The following GLIPR1 variants were observed in gnomAD, a reference collection of about 807,000 sequenced individuals.
GLIPR1 encodes the protein glioma pathogenesis-related protein 1.
GLIPR1 carries 38 observed loss-of-function variants against 30.3 expected under a neutral mutation model. The observed-to-expected ratio is 1.26, with a 90% CI of 0.97 to 1.65. GLIPR1 has a LOEUF of 1.65. Among genes scored for constraint, GLIPR1 ranks in the 40% most tolerant of loss-of-function variants. The probability of loss-of-function intolerance (pLI) is 0.00; values close to 1 mark genes in which losing one functional copy is unlikely to be tolerated. For synonymous variants in GLIPR1, 122 were observed against 110.6 expected, an observed-to-expected ratio of 1.10 and a Z score of -0.65; for missense variants, 285 against 326.5, an observed-to-expected ratio of 0.87 and a Z score of 0.98.
At chr12:75,486,995 G>T (rs1442023121) in intron 2 of GLIPR1, among the ~76,000 whole-genome samples, 1 of 152,006 alleles carries the variant, frequency 6.6e-6, no homozygotes, top group Admixed American at 6.6e-5. Flanking sequence ...TAAAAAAAGA[G>T]GCCAACTAAA....
chr12:75,498,697 ACC>A lies in GLIPR1; in HGVS notation c.624_625del (p.Asn208LysfsTer23). ...TTTCTTCCCCCTAACTTTACAGTTA[ACC>A]GACAGCGAGACCAAGTCAAACGTAC... On this transcript the variant is annotated frameshift_variant, in exon 5 of 6. Transcript: ENST00000266659. LOFTEE classifies it low-confidence loss of function (END_TRUNC). 1.2e-6 allele frequency: 2 copies of A among 1,612,618 alleles called. No individual in the cohort carries two copies. Among genetic ancestry groups the A allele is most frequent in the Non-Finnish European group, 1.7e-6 (2 of 1,178,764 alleles).
Position 75,499,903 on chromosome 12 carries a change from T to G in GLIPR1, c.*925T>G. On this transcript the variant is annotated 3_prime_UTR_variant, in exon 6 of 6. Transcript: ENST00000266659. ...TCCCAGTTTCTTATTCTTTGCTTTC[T>G]TAACCTTTTCCTTGATGCTGGCCAC... 6.2e-7 allele frequency: 1 copy of G among 1,610,200 alleles called. No homozygotes were observed. The highest frequency in any genetic ancestry group is 1.1e-5 in the South Asian group (1 of 90,580).
At chr12:75,492,293 G>T (rs915055263) in intron 3 of GLIPR1, 2 of 152,246 alleles carry the variant, frequency 1.3e-5, no homozygotes, top group Admixed American at 1.3e-4. Context: ...TATTGCCCAG[G>T]CTCATCTCCA....
At chr12:75,490,228 CACACA>C (rs1247932004) in intron 2 of GLIPR1, among the ~76,000 whole-genome samples, 173 bp from the exon 3 acceptor site, 28 of 149,440 alleles carry the variant, frequency 1.9e-4, no homozygotes, top group Non-Finnish European at 4.2e-4. Flanking sequence ...CACACACACA[CACACA>C]CCCCAATAAT....
In GLIPR1 at chr12:75,481,964, C is replaced by A. The variant is rs1483984147; in HGVS notation, c.305C>A (p.Thr102Asn). Reference sequence around the variant, plus strand: ...ACTTCACTGGGAGAGAACATCTGGACTGGGTCTGTGCCCATTTTTTCTGTG... The same window carrying A: ...ACTTCACTGGGAGAGAACATCTGGAATGGGTCTGTGCCCATTTTTTCTGTG... ...NFTSLGENIW[T>N]GSVPIFSVSS... The change falls in exon 2 of 6, where the codon ACT (threonine) becomes AAT (asparagine). Residue 102 changes from threonine to asparagine, a missense_variant. Physicochemically the swap from Thr to Asn is moderately conservative, Grantham distance 65. Transcript: ENST00000266659. 2.5e-6 allele frequency: 4 copies of A among 1,614,082 alleles called. No individual in the cohort carries two copies. The highest frequency in any genetic ancestry group is 3.4e-6 in the Non-Finnish European group (4 of 1,180,024).
Position 75,490,405 on chromosome 12 carries a change from G to C in GLIPR1, c.421-1G>C. The C allele has an allele frequency of 1.9e-6, 3 of 1,540,732 alleles. No homozygotes were observed. Among genetic ancestry groups the C allele is most frequent in the Non-Finnish European group, 2.7e-6 (3 of 1,114,826 alleles). ...TGTTAAAAATCCTTATTTCCTTTCAGGTTGTTTGGGCAGATAGTTACAAAG... is the reference window on the plus strand; with the variant it reads ...TGTTAAAAATCCTTATTTCCTTTCACGTTGTTTGGGCAGATAGTTACAAAG... On this transcript the variant is annotated splice_acceptor_variant, in intron 2 of 5. Transcript: ENST00000266659. LOFTEE classifies it high-confidence loss of function.
intron 3 of GLIPR1, chr12:75,491,136 C>G (rs1417151729): frequency 6.6e-6 from 1 of 151,734 alleles, no homozygotes; most frequent in Non-Finnish European, 1.5e-5. Context: ...AAAAATTTTC[C>G]TTTTCAAAAT....
chr12:75,498,682 CT>C lies in GLIPR1; in HGVS notation c.620-11del, dbSNP rs773631187. The C allele has an allele frequency of 1.7e-5, 27 of 1,609,122 alleles. No homozygotes were observed. Among genetic ancestry groups the C allele is most frequent in the Non-Finnish European group, 2.1e-5 (25 of 1,175,820 alleles). ...TTTTAATTTTTTTTCTTTCTTCCCC[CT>C]AACTTTACAGTTAACCGACAGCGAG... is the stretch of plus-strand genomic sequence containing the variant. On this transcript the variant is annotated splice_polypyrimidine_tract_variant and intron_variant, in intron 4 of 5. Transcript: ENST00000266659.
chr12:75,482,343 T>C (rs997911412), intron 2 of GLIPR1, among the ~76,000 whole-genome samples: 2 of 152,182 alleles, frequency 1.3e-5, no homozygotes, highest in African/African-American at 4.8e-5. Flanking sequence ...AGGACTTTAT[T>C]CCATTTGTGA....
intron 3 of GLIPR1, 164 bp from the exon 4 acceptor site, chr12:75,495,413 A>G: frequency 1.7e-6 from 1 of 571,638 alleles, no homozygotes; most frequent in Non-Finnish European, 3.2e-6. Flanking sequence ...TGCAAATATT[A>G]GCAGCCTTCC....
chr12:75,481,728 G>A, intron 1 of GLIPR1, 106 bp from the exon 2 acceptor site: 2 of 964,552 alleles, frequency 2.1e-6, no homozygotes, highest in Admixed American at 1.9e-5. Flanking sequence ...ATATGCAGTG[G>A]TATCTTCTCT....
rs149595020 is a variant in GLIPR1 at position 75,502,122 on chromosome 12, G to T, written c.*3144G>T. The T allele has an allele frequency of 4.9e-5, 38 of 773,150 alleles. No homozygotes were observed. Among genetic ancestry groups the T allele is most frequent in the Middle Eastern group, 7.8e-4 (2 of 2,580 alleles). 47.9% of individuals were successfully genotyped at this position (773,150 alleles called of 1,614,324 possible). ...GTCAAACTGATTTATTAATAAAAAT[G>T]GTAGTGACATAAAGGAAACAGAGTC... On this transcript the variant is annotated 3_prime_UTR_variant, in exon 6 of 6. Coordinates refer to ENST00000266659, the MANE Select transcript of GLIPR1 (RefSeq NM_006851.3).
chr12:75,497,874 T>C (rs552776138), intron 4 of GLIPR1: 18 of 147,006 alleles, frequency 1.2e-4, no homozygotes, highest in African/African-American at 1.7e-4. Context: ...TAGTTGAATA[T>C]TGAACATTTA....
chr12:75,499,248 A>C lies in GLIPR1; in HGVS notation c.*270A>C. The C allele has an allele frequency of 3.7e-6, 1 of 272,776 alleles. No individual in the cohort carries two copies. The highest frequency in any genetic ancestry group is 6.8e-6 in the Non-Finnish European group (1 of 146,960). The allele number at this position is 272,776 out of a possible 1,614,324, so 16.9% of individuals were successfully genotyped here. A position where few individuals can be genotyped will look rare whatever the true frequency, so the allele number is the denominator to read the frequency against. Reference sequence around the variant, plus strand: ...CAGCTTCTAAATCTGCAAAATGAGCAAGGTACAGTAGCACATTTTTAGGTG... The same window carrying C: ...CAGCTTCTAAATCTGCAAAATGAGCCAGGTACAGTAGCACATTTTTAGGTG... On this transcript the variant is annotated 3_prime_UTR_variant, in exon 6 of 6. Coordinates refer to ENST00000266659, the MANE Select transcript of GLIPR1 (RefSeq NM_006851.3).
At chr12:75,494,388 T>TATCA (rs1264114197) in intron 3 of GLIPR1, 6 of 152,226 alleles carry the variant, frequency 3.9e-5, no homozygotes, top group African/African-American at 1.2e-4. Flanking sequence ...GACTTAGCAG[T>TATCA]ATCATCTTTG....
chr12:75,486,041 G>A (rs1050726424), intron 2 of GLIPR1, among the ~76,000 whole-genome samples: 1 of 152,104 alleles, frequency 6.6e-6, no homozygotes, highest in Non-Finnish European at 1.5e-5. Flanking sequence ...TATAAAGAGT[G>A]GTTCCTGGTT....
Position 75,498,892 on chromosome 12 carries a change from A to G in GLIPR1, c.715A>G (p.Ile239Val), listed in dbSNP as rs1167832059. ...PRNRYTSLFL[I>V]VNSVILILSV... ...TAACAGATACACTTCTCTCTTTCTC[A>G]TTGTTAATTCAGTAATTCTAATACT... The change falls in exon 6 of 6, where the codon ATT (isoleucine) becomes GTT (valine). Residue 239 changes from isoleucine (I) to valine (V), a missense_variant. Physicochemically the swap from Ile to Val is conservative, Grantham distance 29 (BLOSUM62 3). Transcript: ENST00000266659. 6.2e-7 allele frequency: 1 copy of G among 1,606,944 alleles called. No homozygotes were observed. The highest frequency in any genetic ancestry group is 2.2e-5 in the East Asian group (1 of 44,820).
chr12:75,498,610 T>C, intron 4 of GLIPR1, 84 bp from the exon 5 acceptor site: 1 of 1,106,252 alleles, frequency 9.0e-7, no homozygotes, highest in African/African-American at 1.6e-5. Context: ...ATGGTCATAA[T>C]TATAAGACTT....
In GLIPR1 at chr12:75,502,121, T is replaced by C. The variant is rs2046398651; in HGVS notation, c.*3143T>C. 7 of 780,948 alleles carry C rather than the reference T, an allele frequency of 9.0e-6. No homozygotes were observed. The highest frequency in any genetic ancestry group is 1.5e-5 in the Non-Finnish European group (7 of 467,920). 48.4% of individuals were successfully genotyped at this position (780,948 alleles called of 1,614,324 possible). ...GGTCAAACTGATTTATTAATAAAAATGGTAGTGACATAAAGGAAACAGAGT... is the reference window on the plus strand; with the variant it reads ...GGTCAAACTGATTTATTAATAAAAACGGTAGTGACATAAAGGAAACAGAGT... On this transcript the variant is annotated 3_prime_UTR_variant, in exon 6 of 6. Transcript: ENST00000266659.
Sources: allele counts gnomAD v4.1 joint callset (sites outside exome capture counted in the v4.1 genomes callset), GRCh38; gene constraint gnomAD v4.1.1; transcripts MANE v1.5; gene names NCBI Gene and HGNC (gene_info 2026-07-23, HGNC 2026-07-21).